The following LRMDA variants were observed in gnomAD, a reference collection of about 807,000 sequenced individuals.
LRMDA encodes the protein leucine-rich melanocyte differentiation-associated protein.
Under a neutral mutation model 29.8 loss-of-function variants are expected in LRMDA, and 18 were observed. That is an observed-to-expected ratio of 0.60 (90% CI 0.42 to 0.90). The LOEUF is 0.90. Among genes scored for constraint, LRMDA ranks in the 40% least tolerant of loss-of-function variants. LRMDA has a pLI of 0.00. For missense variants in LRMDA, 273 were observed against 273.9 expected, an observed-to-expected ratio of 1.00 and a Z score of 0.02; for synonymous variants, 125 against 109.4, an observed-to-expected ratio of 1.14 and a Z score of -0.89.
chr10:76,542,482 C>A (rs1402997822), intron 6 of LRMDA, among the ~76,000 whole-genome samples: 1 of 152,158 alleles, frequency 6.6e-6, no homozygotes. Flanking sequence ...AAAATAACAG[C>A]ACCCGCACAT....
intron 2 of LRMDA, among the ~76,000 whole-genome samples, chr10:75,736,516 A>C (rs533260182): frequency 6.6e-6 from 1 of 152,334 alleles, no homozygotes; most frequent in African/African-American, 2.4e-5. Flanking sequence ...CATACTGTGA[A>C]TACTGTTTAT....
chr10:75,450,065 G>A (rs2132030596), intron 2 of LRMDA: 1 of 152,274 alleles, frequency 6.6e-6, no homozygotes, highest in Non-Finnish European at 1.5e-5. Context: ...GAGCGATTAT[G>A]CTTTTTGCTG....
At chr10:75,912,176 C>T (rs1845853614) in intron 2 of LRMDA, among the ~76,000 whole-genome samples, 1 of 152,156 alleles carries the variant, frequency 6.6e-6, no homozygotes, top group South Asian at 2.1e-4. Context: ...CTCATTTCCC[C>T]CCCTTCCCTT....
At chr10:75,461,260 G>A (rs934396365) in intron 2 of LRMDA, among the ~76,000 whole-genome samples, 1 of 152,174 alleles carries the variant, frequency 6.6e-6, no homozygotes, top group African/African-American at 2.4e-5. Context: ...CTGTTGATAT[G>A]GAAGCAACTT....
At chr10:75,759,099 C>T (rs574898177) in intron 2 of LRMDA, among the ~76,000 whole-genome samples, 1 of 152,212 alleles carries the variant, frequency 6.6e-6, no homozygotes, top group South Asian at 2.1e-4. Context: ...TTTGTGTGTA[C>T]ACACATCTAT....
At chr10:76,449,176 T>C (rs1008682759) in intron 6 of LRMDA, among the ~76,000 whole-genome samples, 6 of 151,804 alleles carry the variant, frequency 4.0e-5, no homozygotes, top group Non-Finnish European at 8.9e-5. Context: ...TGTATATATA[T>C]GAGTTTATGT....
At chr10:75,741,485 T>G (rs1842829242) in intron 2 of LRMDA, among the ~76,000 whole-genome samples, 1 of 151,280 alleles carries the variant, frequency 6.6e-6, no homozygotes, top group African/African-American at 2.4e-5. Flanking sequence ...CCAGATAAGC[T>G]CCATGTCTTG....
intron 5 of LRMDA, among the ~76,000 whole-genome samples, chr10:76,220,720 G>A (rs1212229586): frequency 1.3e-5 from 2 of 152,090 alleles, no homozygotes; most frequent in South Asian, 2.1e-4. Context: ...CATTCCTTCT[G>A]AAACTATTCC....
intron 2 of LRMDA, among the ~76,000 whole-genome samples, chr10:76,015,444 G>T (rs1211390217): frequency 6.6e-6 from 1 of 152,166 alleles, no homozygotes; most frequent in Non-Finnish European, 1.5e-5. Flanking sequence ...GACCTACCTC[G>T]GCTCCTTGCC....
At chr10:76,221,542 C>G (rs1851837175) in intron 5 of LRMDA, among the ~76,000 whole-genome samples, 2 of 152,140 alleles carry the variant, frequency 1.3e-5, no homozygotes, top group African/African-American at 4.8e-5. Flanking sequence ...AATAAAATAC[C>G]TAGGAATCCA....
Position 76,559,091 on chromosome 10 carries a change from G to A in LRMDA, c.*1803G>A, listed in dbSNP as rs926513376. ...ATGTTTTCTCCCTGGCATAATATGGGCAGCCAGAATTCTGTGCAAGGGCAG... is the reference window on the plus strand; with the variant it reads ...ATGTTTTCTCCCTGGCATAATATGGACAGCCAGAATTCTGTGCAAGGGCAG... On this transcript the variant is annotated 3_prime_UTR_variant, in exon 7 of 7. Coordinates refer to ENST00000611255, the MANE Select transcript of LRMDA (RefSeq NM_001305581.2). The A allele has an allele frequency of 1.3e-5, 2 of 152,122 alleles. No individual in the cohort carries two copies. The highest frequency in any genetic ancestry group is 2.9e-5 in the Non-Finnish European group (2 of 68,038). 9.4% of individuals were successfully genotyped at this position (152,122 alleles called of 1,614,324 possible).
intron 1 of LRMDA, among the ~76,000 whole-genome samples, chr10:75,436,644 T>C (rs2132020752): frequency 6.6e-6 from 1 of 152,094 alleles, no homozygotes; most frequent in South Asian, 2.1e-4. Context: ...ATATTTTTTG[T>C]ATTTTTAGTA....
chr10:75,997,855 C>T (rs888088085), intron 2 of LRMDA, among the ~76,000 whole-genome samples: 4 of 152,220 alleles, frequency 2.6e-5, no homozygotes, highest in African/African-American at 4.8e-5. Context: ...TTCTGCTTCA[C>T]GTCACTGCTT....
At chr10:76,033,140 C>A (rs972804636) in intron 2 of LRMDA, among the ~76,000 whole-genome samples, 1 of 152,192 alleles carries the variant, frequency 6.6e-6, no homozygotes, top group African/African-American at 2.4e-5. Flanking sequence ...TCAGCTGGGA[C>A]CCCCAAAACC....
intron 2 of LRMDA, among the ~76,000 whole-genome samples, chr10:75,502,616 G>A (rs775000876): frequency 1.2e-4 from 18 of 152,134 alleles, no homozygotes; most frequent in Admixed American, 3.9e-4. Context: ...TGGCCTCAGG[G>A]CCTGGTTGGC....
At chr10:75,687,605 A>G (rs188517372) in intron 2 of LRMDA, among the ~76,000 whole-genome samples, 1 of 152,354 alleles carries the variant, frequency 6.6e-6, no homozygotes, top group Admixed American at 6.5e-5. Context: ...GCTGATGTAG[A>G]AGCTGCAGCA....
At chr10:75,822,685 G>T (rs1239477598) in intron 2 of LRMDA, among the ~76,000 whole-genome samples, 1 of 151,848 alleles carries the variant, frequency 6.6e-6, no homozygotes, top group Non-Finnish European at 1.5e-5. Context: ...CTTTGACAAA[G>T]TTGAAAAAAA....
intron 6 of LRMDA, among the ~76,000 whole-genome samples, chr10:76,406,080 C>T (rs1018570078): frequency 7.2e-5 from 11 of 152,194 alleles, no homozygotes; most frequent in South Asian, 4.1e-4. Context: ...CAACAGGAAG[C>T]GGTGATGGAG....
chr10:75,476,716 A>G (rs1480342982), intron 2 of LRMDA, among the ~76,000 whole-genome samples: 1 of 152,046 alleles, frequency 6.6e-6, no homozygotes, highest in East Asian at 1.9e-4. Flanking sequence ...GTGTTTTCCC[A>G]GCTCTTGGTG....
Sources: allele counts gnomAD v4.1 joint callset (sites outside exome capture counted in the v4.1 genomes callset), GRCh38; gene constraint gnomAD v4.1.1; transcripts MANE v1.5; gene names NCBI Gene and HGNC (gene_info 2026-07-23, HGNC 2026-07-21).